PPARA: variants seen among roughly 807,000 people sequenced by gnomAD.
The protein encoded by PPARA is peroxisome proliferator-activated receptor alpha.
A neutral mutation model predicts 42.2 loss-of-function variants in PPARA; 22 were observed. The ratio of observed to expected loss-of-function variants is 0.52; its 90% CI spans 0.37 to 0.74. The LOEUF (loss-of-function observed/expected upper bound fraction) is 0.74. Ranked by LOEUF, PPARA falls within the 30% of genes least tolerant of loss-of-function variation. The pLI is 0.00. For missense variants in PPARA, 465 were observed against 608.2 expected (o/e 0.76, Z 2.48); for synonymous variants, 242 against 239.3 (o/e 1.01, Z -0.10).
In PPARA at chr22:46,212,629, T is replaced by G. The variant is rs1213704086; in HGVS notation, c.209-2544T>G. 1.3e-5 allele frequency among the ~76,000 whole-genome samples: 2 copies of G among 152,206 alleles called. No individual in the cohort carries two copies. The highest frequency in any genetic ancestry group is 2.9e-5 in the Non-Finnish European group (2 of 68,036). On this transcript the variant is annotated intron_variant, in intron 4 of 8. Coordinates refer to ENST00000407236, the MANE Select transcript of PPARA (RefSeq NM_005036.6). This position sits in a 1 kb window ranked among gnomAD's most constrained non-coding sequence, Gnocchi z 4.2. Reference sequence around the variant, plus strand: ...CTTTTTACACTGAATGAGTTCCCACTGTCTGTTTGTACCACAGTTTGTATA... The same window carrying G: ...CTTTTTACACTGAATGAGTTCCCACGGTCTGTTTGTACCACAGTTTGTATA...
chr22:46,232,992 A>G lies in PPARA; in HGVS notation c.1159+753A>G, dbSNP rs1185074842. On this transcript the variant is annotated intron_variant, in intron 8 of 8. Coordinates refer to ENST00000407236, the MANE Select transcript of PPARA (RefSeq NM_005036.6). The surrounding 1 kb of genome is among the most constrained non-coding windows in gnomAD (Gnocchi z 5.3). ...GAATGACCCTGTCTCAAAAAAAAAA[A>G]AAAAAAAAATTATACACACACACAC... 7.4e-6 allele frequency among the ~76,000 whole-genome samples: 1 copy of G among 135,670 alleles called. No individual in the cohort carries two copies. The highest frequency in any genetic ancestry group is 1.5e-5 in the Non-Finnish European group (1 of 66,808). 89.0% of individuals were successfully genotyped at this position (135,670 alleles called of 152,430 possible). A position where few individuals can be genotyped will look rare whatever the true frequency, so the allele number is the denominator to read the frequency against.
At position 46,235,621 on chromosome 22, in the gene PPARA, G is replaced by A. The variant is rs189934470; in HGVS notation, c.*241G>A. 3.7e-6 allele frequency: 2 copies of A among 546,698 alleles called. No individual in the cohort carries two copies. Among genetic ancestry groups the A allele is most frequent in the South Asian group, 2.0e-5 (1 of 49,502 alleles). The allele number at this position is 546,698 out of a possible 1,614,324, so 33.9% of individuals were successfully genotyped here. A position where few individuals can be genotyped will look rare whatever the true frequency, so the allele number is the denominator to read the frequency against. On this transcript the variant is annotated 3_prime_UTR_variant, in exon 9 of 9. Coordinates refer to ENST00000407236, the MANE Select transcript of PPARA (RefSeq NM_005036.6). This position sits in a 1 kb window ranked among gnomAD's most constrained non-coding sequence, Gnocchi z 7.0. The stretch of plus-strand genomic sequence containing the variant: ...ATCTCAGGACTGGGAAGATTACGGC[G>A]AATTATGCTCAATGGTCTGATTTTA...
chr22:46,215,040 C>T, intron 4 of PPARA, 133 bp from the exon 5 acceptor site: 1 of 1,103,154 alleles, frequency 9.1e-7, no homozygotes, highest in East Asian at 2.5e-5. Context: ...AGGGCCCGGC[C>T]CCGCATGGGT....
intron 5 of PPARA, among the ~76,000 whole-genome samples, chr22:46,217,819 CTTTTTTTTTTTTTTT>C (rs60894989): frequency 2.6e-5 from 2 of 77,046 alleles, no homozygotes; most frequent in African/African-American, 1.2e-4. Context: ...CTATTTCTTT[CTTTTTTTTTTTTTTT>C]TTTTTTTTTT....
At chr22:46,220,907 C>T (rs1312358358) in intron 7 of PPARA, among the ~76,000 whole-genome samples, 4 of 151,690 alleles carry the variant, frequency 2.6e-5, no homozygotes, top group African/African-American at 9.7e-5. Flanking sequence ...CATGCCACTG[C>T]ACTCCAGCCT....
intron 2 of PPARA, among the ~76,000 whole-genome samples, chr22:46,152,396 G>A (rs1173481181): frequency 2.6e-5 from 4 of 152,114 alleles, no homozygotes; most frequent in Non-Finnish European, 4.4e-5. Flanking sequence ...TCCTCCCAAA[G>A]TGCTGGGATT....
intron 4 of PPARA, among the ~76,000 whole-genome samples, chr22:46,202,552 C>T (rs974211952): frequency 2.0e-5 from 3 of 152,062 alleles, no homozygotes; most frequent in Non-Finnish European, 4.4e-5. Flanking sequence ...ACCTGGCCAA[C>T]ATGGTGGAAC....
chr22:46,207,227 C>CA (rs894768710), intron 4 of PPARA, among the ~76,000 whole-genome samples: 13 of 123,630 alleles, frequency 1.1e-4, no homozygotes, highest in South Asian at 7.9e-4. Context: ...CATCCCCCTG[C>CA]AAAAAAAAAG....
chr22:46,179,641 G>C (rs1240880488), intron 3 of PPARA, among the ~76,000 whole-genome samples: 1 of 151,912 alleles, frequency 6.6e-6, no homozygotes, highest in Non-Finnish European at 1.5e-5. Context: ...AAATCTTTGT[G>C]ACCTTGGTCT....
rs929532844 is a variant in PPARA at position 46,225,931 on chromosome 22, TCA to T, written c.712-5854_712-5853del. On this transcript the variant is annotated intron_variant, in intron 7 of 8. Coordinates refer to ENST00000407236, the MANE Select transcript of PPARA (RefSeq NM_005036.6). The surrounding 1 kb of genome is among the most constrained non-coding windows in gnomAD (Gnocchi z 4.1). ...TGTGTGTACACACACACATGCATGCTCACACACATGCACCCAGGCACACACAA... is the reference window on the plus strand; with the variant it reads ...TGTGTGTACACACACACATGCATGCTCACACATGCACCCAGGCACACACAA... Among the ~76,000 whole-genome samples the T allele has an allele frequency of 2.0e-5, 3 of 147,446 alleles. No homozygotes were observed. The highest frequency in any genetic ancestry group is 7.5e-5 in the African/African-American group (3 of 39,772).
chr22:46,187,979 C>G lies in PPARA; in HGVS notation c.-42-10363C>G, dbSNP rs1364450254. ...CAACCTCTTGGAATGCTGCCACCAT[C>G]TGAGAAGCCTGAGGTGGCCTCTGTG... is the stretch of plus-strand genomic sequence containing the variant. On this transcript the variant is annotated intron_variant, in intron 3 of 8. Coordinates refer to ENST00000407236, the MANE Select transcript of PPARA (RefSeq NM_005036.6). The surrounding 1 kb of genome is among the most constrained non-coding windows in gnomAD (Gnocchi z 4.9). Among the ~76,000 whole-genome samples, 1 of 152,210 alleles carries G rather than the reference C, an allele frequency of 6.6e-6. No homozygotes were observed. Among genetic ancestry groups the G allele is most frequent in the African/African-American group, 2.4e-5 (1 of 41,460 alleles).
At chr22:46,218,435 C>T (rs763519445) in intron 6 of PPARA, 34 bp downstream of exon 6, 13 of 1,613,530 alleles carry the variant, frequency 8.1e-6, no homozygotes, top group Middle Eastern at 1.6e-4. Flanking sequence ...TTTCCCAGTT[C>T]GTTCCTCAGT....
At position 46,183,663 on chromosome 22, in the gene PPARA, G is replaced by C. The variant is rs143626793; in HGVS notation, c.-43+6827G>C. Among the ~76,000 whole-genome samples the C allele has an allele frequency of 4.2e-3, 644 of 152,280 alleles. 5 individuals are homozygous for C. The highest frequency in any genetic ancestry group is 0.015 in the African/African-American group (617 of 41,552). On this transcript the variant is annotated intron_variant, in intron 3 of 8. Coordinates refer to ENST00000407236, the MANE Select transcript of PPARA (RefSeq NM_005036.6). The surrounding 1 kb of genome is among the most constrained non-coding windows in gnomAD (Gnocchi z 5.5). Reference sequence around the variant, plus strand: ...AGGCTGAGGTGGGAGGATCACTTGAGCCTGGGAGGTCGATATTGCAGTGAG... The same window carrying C: ...AGGCTGAGGTGGGAGGATCACTTGACCCTGGGAGGTCGATATTGCAGTGAG...
intron 7 of PPARA, among the ~76,000 whole-genome samples, chr22:46,228,142 G>A (rs1935599601): frequency 1.3e-5 from 2 of 152,212 alleles, no homozygotes; most frequent in African/African-American, 4.8e-5. Context: ...TGAGCCTCAG[G>A]GGCATGCAAG....
At position 46,161,508 on chromosome 22, in the gene PPARA, C is replaced by T. The variant is rs186353751; in HGVS notation, c.-127+9538C>T. On this transcript the variant is annotated intron_variant, in intron 2 of 8. Coordinates refer to ENST00000407236, the MANE Select transcript of PPARA (RefSeq NM_005036.6). The surrounding 1 kb of genome is among the most constrained non-coding windows in gnomAD (Gnocchi z 4.8). ...GGCTGAGGCAGGAGAATCACTTGAA[C>T]CCGGGAGGCGGAGGCTGCAGTGAAC... 6.6e-6 allele frequency among the ~76,000 whole-genome samples: 1 copy of T among 152,252 alleles called. No homozygotes were observed. The highest frequency in any genetic ancestry group is 1.9e-4 in the East Asian group (1 of 5,184).
intron 2 of PPARA, among the ~76,000 whole-genome samples, chr22:46,157,078 G>A (rs1358972949): frequency 6.6e-6 from 1 of 152,190 alleles, no homozygotes; most frequent in African/African-American, 2.4e-5. Flanking sequence ...CGTCAAGCCA[G>A]GACCCGGTGC....
In PPARA at chr22:46,198,354, C is replaced by T. The variant is rs755608556; in HGVS notation, c.-30C>T. On this transcript the variant is annotated 5_prime_UTR_variant, in exon 4 of 9. Coordinates refer to ENST00000407236, the MANE Select transcript of PPARA (RefSeq NM_005036.6). The stretch of plus-strand genomic sequence containing the variant: ...TCTTTCCTCCCAGTAGCTTGGAGCT[C>T]GGCGGCACAACCAGCACCATCTGGT... 35 of 1,603,908 alleles carry T rather than the reference C, an allele frequency of 2.2e-5. No individual in the cohort carries two copies. The South Asian group carries it at 2.6e-4, about 12-fold the overall frequency.
At position 46,180,218 on chromosome 22, in the gene PPARA, T is replaced by A. The variant is rs1214997029; in HGVS notation, c.-43+3382T>A. On this transcript the variant is annotated intron_variant, in intron 3 of 8. Transcript: ENST00000407236. The surrounding 1 kb of genome is among the most constrained non-coding windows in gnomAD (Gnocchi z 4.2). ...GCTTTTTTTTTTTTTTGAGATGGAG[T>A]CTTGCTCTCCCAGGCTGGAGTACAG... is the stretch of plus-strand genomic sequence containing the variant. Among the ~76,000 whole-genome samples the A allele has an allele frequency of 1.3e-5, 2 of 148,426 alleles. No individual in the cohort carries two copies. Among genetic ancestry groups the A allele is most frequent in the African/African-American group, 5.0e-5 (2 of 40,292 alleles).
intron 2 of PPARA, among the ~76,000 whole-genome samples, chr22:46,159,858 C>G (rs543242334): frequency 1.3e-5 from 2 of 152,296 alleles, no homozygotes; most frequent in East Asian, 3.9e-4. Flanking sequence ...GTTCAAAGAA[C>G]TTGCGTGACA....
Sources: gnomAD v4.1 joint callset for allele counts (sites outside exome capture counted in the v4.1 genomes callset) on GRCh38, gnomAD v4.1.1 for gene constraint, Gnocchi (gnomAD v3.1) non-coding constraint, MANE v1.5 for transcripts, NCBI Gene and HGNC (gene_info 2026-07-23, HGNC 2026-07-21) for gene names.